The following CACNA1H variants were observed in gnomAD, a reference collection of about 807,000 sequenced individuals.
CACNA1H encodes the protein voltage-dependent T-type calcium channel subunit alpha-1H.
A neutral mutation model predicts 192.5 loss-of-function variants in CACNA1H; 149 were observed. That is an observed-to-expected ratio of 0.77 (90% CI 0.68 to 0.89). CACNA1H has a LOEUF of 0.89. Ranked by LOEUF, CACNA1H falls within the 40% of genes least tolerant of loss-of-function variation. CACNA1H has a pLI of 0.00. For missense variants in CACNA1H, 4,257 were observed against 3,423.5 expected (o/e 1.24, Z -6.08); for synonymous variants, 2,202 against 1,475.2 (o/e 1.49, Z -11.29).
chr16:1,210,177 C>A (rs747986817), intron 18 of CACNA1H, 42 bp downstream of exon 18: 5 of 1,475,160 alleles, frequency 3.4e-6, no homozygotes, highest in South Asian at 1.2e-5. Context: ...TAGTTCCACC[C>A]CACGGGACCC....
rs767196759 is a variant in CACNA1H at position 1,202,387 on chromosome 16, A to C, written c.1937A>C (p.His646Pro). Reference protein sequence around the residue: ...WAGGPPGTGGHGPLSLNSPDP... With the variant: ...WAGGPPGTGGPGPLSLNSPDP... Reference sequence around the variant, plus strand: ...GGTGGACCGCCAGGCACCGGGGGGCACGGCCCGTTGAGCTTGAACAGCCCT... The same window carrying C: ...GGTGGACCGCCAGGCACCGGGGGGCCCGGCCCGTTGAGCTTGAACAGCCCT... The change falls in exon 9 of 35, where the codon CAC becomes CCC. Residue 646 changes from histidine to proline, a missense_variant. His to Pro is a moderately conservative substitution (Grantham distance 77). Coordinates refer to ENST00000348261, the MANE Select transcript of CACNA1H (RefSeq NM_021098.3). 1 of 1,548,554 alleles carries C rather than the reference A, an allele frequency of 6.5e-7. No homozygotes were observed. The highest frequency in any genetic ancestry group is 1.4e-5 in the African/African-American group (1 of 73,312).
Position 1,209,025 on chromosome 16 carries a change from C to T in CACNA1H, c.3364-7C>T. The T allele has an allele frequency of 2.0e-6, 3 of 1,491,012 alleles. No individual in the cohort carries two copies. The highest frequency in any genetic ancestry group is 2.5e-5 in the East Asian group (1 of 40,648). 92.4% of individuals were successfully genotyped at this position (1,491,012 alleles called of 1,614,324 possible). On this transcript the variant is annotated splice_region_variant and splice_polypyrimidine_tract_variant and intron_variant, in intron 16 of 34. Coordinates refer to ENST00000348261, the MANE Select transcript of CACNA1H (RefSeq NM_021098.3). ...CCACCAGGTCACTGACTCCCGCCAC[C>T]CCCCAGGCCAGCCTCCGAAGTTCTC...
At chr16:1,155,164 C>T (rs759723620) in intron 2 of CACNA1H, among the ~76,000 whole-genome samples, 14 of 152,242 alleles carry the variant, frequency 9.2e-5, no homozygotes, top group Non-Finnish European at 1.9e-4. Flanking sequence ...TCTCCTTTCT[C>T]AAATCCAAAC....
chr16:1,182,415 G>A (rs1965566822), intron 2 of CACNA1H, among the ~76,000 whole-genome samples: 1 of 152,180 alleles, frequency 6.6e-6, no homozygotes. Flanking sequence ...CCTGTGGTGG[G>A]TGTGGGCTCC....
intron 2 of CACNA1H, chr16:1,159,454 C>T (rs55808400): frequency 0.09 from 13,611 of 151,918 alleles, 1,896 homozygotes; most frequent in African/African-American, 0.3. Context: ...CAGGGTGGGC[C>T]GTGGGGAGGA....
At chr16:1,199,252 C>T (rs190113263) in intron 6 of CACNA1H, among the ~76,000 whole-genome samples, 3 of 47,718 alleles carry the variant, frequency 6.3e-5, no homozygotes, top group African/African-American at 4.3e-4. Context: ...ACCGTGCAGT[C>T]GCTGCACATA....
intron 6 of CACNA1H, among the ~76,000 whole-genome samples, chr16:1,199,946 T>A (rs1400433092): frequency 1.3e-5 from 2 of 151,818 alleles, no homozygotes; most frequent in Non-Finnish European, 2.9e-5. Context: ...TGTTCTTTGT[T>A]GATTTCTCTG....
chr16:1,218,127 G>A, intron 32 of CACNA1H, 83 bp from the exon 33 acceptor site: 1 of 1,538,600 alleles, frequency 6.5e-7, no homozygotes, highest in South Asian at 1.2e-5. Flanking sequence ...CGTCCTTGCA[G>A]GGCAGGGGGA....
Position 1,195,465 on chromosome 16 carries a change from G to A in CACNA1H, c.445G>A (p.Val149Met), listed in dbSNP as rs1966873270. ...CGCCTTCATTTTCGCCTTTTTTGCG[G>A]TGGAGATGGTCATCAAGATGGTGGC... The part of the protein sequence containing the change: ...FDAFIFAFFA[V>M]EMVIKMVALG... Residue 149 changes from valine (V) to methionine (M), a missense_variant, in exon 4 of 35, where the codon GTG (valine) becomes ATG (methionine). Transcript: ENST00000348261. 3 of 1,572,126 alleles carry A rather than the reference G, an allele frequency of 1.9e-6. No individual in the cohort carries two copies. Among genetic ancestry groups the A allele is most frequent in the South Asian group, 2.3e-5 (2 of 85,470 alleles).
At position 1,207,945 on chromosome 16, in the gene CACNA1H, A is replaced by T. The variant is rs544063511; in HGVS notation, c.3155-68A>T. The T allele has an allele frequency of 7.4e-5, 114 of 1,538,144 alleles. 1 individual carries two copies. Among genetic ancestry groups the T allele is most frequent in the Non-Finnish European group, 5.3e-6 (6 of 1,133,066 alleles). The stretch of plus-strand genomic sequence containing the variant: ...GCAGGGCCCCCATAAGGCAATCCCT[A>T]GGTTGGGGGATTCCTGGTCCTGGGA... On this transcript the variant is annotated intron_variant, in intron 15 of 34. Coordinates refer to ENST00000348261, the MANE Select transcript of CACNA1H (RefSeq NM_021098.3).
Position 1,167,997 on chromosome 16 carries a change from C to T in CACNA1H, c.299+13961C>T, listed in dbSNP as rs541234011. 1.2e-3 allele frequency among the ~76,000 whole-genome samples: 189 copies of T among 152,324 alleles called. 1 individual carries two copies. The highest frequency in any genetic ancestry group is 6.0e-4 in the Non-Finnish European group (41 of 68,022). ...GCCGCTTGTCCCCAAGGCCTGGTGA[C>T]CGCACCTCTGTCTGCCCTAGGCCTT... On this transcript the variant is annotated intron_variant, in intron 2 of 34. Coordinates refer to ENST00000348261, the MANE Select transcript of CACNA1H (RefSeq NM_021098.3). This position sits in a 1 kb window ranked among gnomAD's most constrained non-coding sequence, Gnocchi z 4.2.
intron 2 of CACNA1H, 64 bp downstream of exon 2, chr16:1,154,100 G>T (rs1230491683): frequency 8.8e-6 from 9 of 1,026,406 alleles, no homozygotes; most frequent in Middle Eastern, 3.8e-4. Context: ...GGCCCGGGGC[G>T]CGGGACTCCC....
chr16:1,199,890 A>G (rs1967602341), intron 6 of CACNA1H, among the ~76,000 whole-genome samples: 1 of 151,638 alleles, frequency 6.6e-6, no homozygotes. Flanking sequence ...CTGAGGTCTG[A>G]GCCTGGGTTT....
At chr16:1,190,834 C>T (rs1423094830) in intron 2 of CACNA1H, among the ~76,000 whole-genome samples, 1 of 151,428 alleles carries the variant, frequency 6.6e-6, no homozygotes, top group Non-Finnish European at 1.5e-5. Context: ...TGGGACCCGT[C>T]AGGCTGGCCT....
rs766653951 is a variant in CACNA1H at position 1,167,955 on chromosome 16, G to C, written c.299+13919G>C. On this transcript the variant is annotated intron_variant, in intron 2 of 34. Transcript: ENST00000348261. This position sits in a 1 kb window ranked among gnomAD's most constrained non-coding sequence, Gnocchi z 4.2. The stretch of plus-strand genomic sequence containing the variant: ...GCCTCAGGAGCCAGGCCTGTTCCCC[G>C]GGGCTGCCTGGAGGCGGCCGCTTGT... Among the ~76,000 whole-genome samples the C allele has an allele frequency of 1.3e-5, 2 of 152,214 alleles. No individual in the cohort carries two copies. Among genetic ancestry groups the C allele is most frequent in the Non-Finnish European group, 2.9e-5 (2 of 68,034 alleles).
chr16:1,187,843 T>C (rs1462672656), intron 2 of CACNA1H, among the ~76,000 whole-genome samples: 1 of 152,190 alleles, frequency 6.6e-6, no homozygotes. Flanking sequence ...AACTATCTCT[T>C]GAGGAGGGGC....
rs373269618 is a variant in CACNA1H, at chr16:1,215,393, C to T, written c.5173+18C>T. 2,161 of 1,602,826 alleles carry T rather than the reference C, an allele frequency of 1.3e-3. 5 individuals carry two copies. The highest frequency in any genetic ancestry group is 1.9e-3 in the South Asian group (168 of 89,586). On this transcript the variant is annotated intron_variant, in intron 29 of 34. Transcript: ENST00000348261. ...TGCCCGTGGTAGGTGCCCGCGTGCC[C>T]GCCAGGTTCTCTCTGCGGGTGGAGG...
intron 10 of CACNA1H, among the ~76,000 whole-genome samples, 199 bp from the exon 11 acceptor site, chr16:1,204,901 GCCGCGGGTGGGGCC>G: frequency 4.3e-5 from 2 of 46,568 alleles, no homozygotes; most frequent in African/African-American, 1.6e-4. Context: ...AGGGGTGGGA[GCCGCGGGTGGGGCC>G]CCAGATCAGT....
rs549705849 is a variant in CACNA1H, at chr16:1,155,448, C to T, written c.299+1412C>T. ...GCCCCTTTGTTCTGGTAGGAGGTGA[C>T]TGGGTGTGGGGTTAGTCCGGCGGTG... is the stretch of plus-strand genomic sequence containing the variant. On this transcript the variant is annotated intron_variant, in intron 2 of 34. Transcript: ENST00000348261. Among the ~76,000 whole-genome samples, 5 of 152,324 alleles carry T rather than the reference C, an allele frequency of 3.3e-5. No homozygotes were observed. The South Asian group carries it at 1.0e-3, about 32-fold the overall frequency.
Sources: gnomAD v4.1 joint callset for allele counts (sites outside exome capture counted in the v4.1 genomes callset) on GRCh38, gnomAD v4.1.1 for gene constraint, Gnocchi (gnomAD v3.1) non-coding constraint, MANE v1.5 for transcripts, NCBI Gene and HGNC (gene_info 2026-07-23, HGNC 2026-07-21) for gene names.